Variants in CLYBL observed in about 807,000 individuals in gnomAD.
CLYBL encodes the protein citramalyl-CoA lyase, mitochondrial.
In CLYBL, 31 loss-of-function variants were observed where a neutral mutation model predicts 38.9. The observed-to-expected ratio is 0.80, with a 90% CI of 0.60 to 1.08. The LOEUF is 1.08. Ranked by LOEUF, CLYBL falls within the 50% of genes least tolerant of loss-of-function variation. The pLI, the probability that CLYBL is intolerant of heterozygous loss-of-function variation, is 0.00. For missense variants in CLYBL, 434 were observed against 411.6 expected (o/e 1.05, Z -0.47); for synonymous variants, 171 against 158.6 (o/e 1.08, Z -0.59).
intron 9 of CLYBL, among the ~76,000 whole-genome samples, chr13:99,906,884 A>G (rs2052703328): frequency 6.6e-6 from 1 of 152,192 alleles, no homozygotes; most frequent in South Asian, 2.1e-4. Context: ...GGCTTGGAAA[A>G]TACTTGGCTT....
At chr13:99,803,876 A>G (rs1272481614) in intron 2 of CLYBL, among the ~76,000 whole-genome samples, 1 of 152,196 alleles carries the variant, frequency 6.6e-6, no homozygotes, top group Middle Eastern at 3.2e-3. Flanking sequence ...CTGCAGTCCT[A>G]ACTGGAGAAC....
At chr13:99,678,237 A>G (rs1426286681) in intron 1 of CLYBL, among the ~76,000 whole-genome samples, 1 of 152,228 alleles carries the variant, frequency 6.6e-6, no homozygotes, top group Non-Finnish European at 1.5e-5. Context: ...TAACATCTGC[A>G]CTGCGGCAGA....
intron 1 of CLYBL, among the ~76,000 whole-genome samples, chr13:99,771,833 A>G (rs202105523): frequency 6.6e-6 from 1 of 152,224 alleles, no homozygotes; most frequent in East Asian, 1.9e-4. Context: ...TCAAGTAGCT[A>G]AAATATCTGC....
chr13:99,870,571 A>C (rs923502064), intron 6 of CLYBL, among the ~76,000 whole-genome samples: 17 of 152,154 alleles, frequency 1.1e-4, no homozygotes, highest in African/African-American at 4.1e-4. Context: ...TTCTACTTCA[A>C]CTCAAAATAA....
intron 1 of CLYBL, among the ~76,000 whole-genome samples, chr13:99,677,350 G>T (rs1430325053): frequency 6.6e-6 from 1 of 152,066 alleles, no homozygotes; most frequent in Non-Finnish European, 1.5e-5. Flanking sequence ...AAAAAAGCTT[G>T]TAATTGCCGA....
At chr13:99,857,550 C>T (rs908946871) in intron 2 of CLYBL, among the ~76,000 whole-genome samples, 1 of 152,184 alleles carries the variant, frequency 6.6e-6, no homozygotes, top group African/African-American at 2.4e-5. Flanking sequence ...CAGTCCTAAA[C>T]TGTCTTAGGT....
At chr13:99,882,664 C>CAAA (rs111979983) in intron 7 of CLYBL, among the ~76,000 whole-genome samples, 48 of 139,154 alleles carry the variant, frequency 3.4e-4, no homozygotes, top group African/African-American at 1.3e-3. Context: ...GACCCTGTCT[C>CAAA]AAAAAAAAAA....
chr13:99,704,205 C>T (rs1282459636), intron 1 of CLYBL, among the ~76,000 whole-genome samples: 2 of 152,168 alleles, frequency 1.3e-5, no homozygotes, highest in Non-Finnish European at 2.9e-5. Context: ...CTTCAGATAT[C>T]TTTTTCCTTT....
chr13:99,702,861 C>A (rs2048089746), intron 1 of CLYBL, among the ~76,000 whole-genome samples: 1 of 152,176 alleles, frequency 6.6e-6, no homozygotes, highest in Non-Finnish European at 1.5e-5. Context: ...GCACGTTGCT[C>A]TGCTACATAA....
intron 1 of CLYBL, among the ~76,000 whole-genome samples, chr13:99,666,997 C>A (rs548456486): frequency 6.6e-6 from 1 of 151,348 alleles, no homozygotes; most frequent in East Asian, 2.0e-4. Flanking sequence ...TGTCTTGTGC[C>A]CACCTGAGTG....
intron 1 of CLYBL, among the ~76,000 whole-genome samples, chr13:99,674,303 C>T (rs2047612130): frequency 6.6e-6 from 1 of 151,802 alleles, no homozygotes; most frequent in Non-Finnish European, 1.5e-5. Context: ...AGGCACGTGC[C>T]ACCATGCCTG....
At chr13:99,783,051 CT>C (rs995344000) in intron 2 of CLYBL, among the ~76,000 whole-genome samples, 6 of 150,624 alleles carry the variant, frequency 4.0e-5, no homozygotes, top group African/African-American at 9.7e-5. Flanking sequence ...TTTTGTTTTG[CT>C]TTTTTTTTGA....
chr13:99,908,005 C>T lies in CLYBL; in HGVS notation c.*161-50C>T, dbSNP rs572668963. Among the ~76,000 whole-genome samples, 8 of 152,266 alleles carry T rather than the reference C, an allele frequency of 5.3e-5. No individual in the cohort carries two copies. The East Asian group carries it at 1.5e-3, about 29-fold the overall frequency. ...AGGCTGTGCTGAGTGGTGAACAGCACTCGGATTGGCAAAAAAGTAACCTGA... is the reference window on the plus strand; with the variant it reads ...AGGCTGTGCTGAGTGGTGAACAGCATTCGGATTGGCAAAAAAGTAACCTGA... On this transcript the variant is annotated intron_variant and NMD_transcript_variant, in intron 9 of 9. Transcript: ENST00000689673.
chr13:99,876,420 C>CAAAA (rs35512772), intron 7 of CLYBL, among the ~76,000 whole-genome samples: 19 of 70,046 alleles, frequency 2.7e-4, no homozygotes, highest in Admixed American at 1.0e-3. Context: ...GACTCCGTCT[C>CAAAA]AAAAAAAAAA....
In CLYBL at chr13:99,606,730, G is replaced by A. The variant is rs2046527837; in HGVS notation, c.35G>A (p.Gly12Glu). 1.3e-6 allele frequency: 2 copies of A among 1,488,858 alleles called. No homozygotes were observed. The highest frequency in any genetic ancestry group is 8.9e-7 in the Non-Finnish European group (1 of 1,125,624). 92.2% of individuals were successfully genotyped at this position (1,488,858 alleles called of 1,614,324 possible). A position where few individuals can be genotyped will look rare whatever the true frequency, so the allele number is the denominator to read the frequency against. The change falls in exon 1 of 9, where the codon GGA becomes GAA. Residue 12 changes from glycine to glutamate, a missense_variant. Transcript: ENST00000339105. ...CGTCTGCTGCGGAGGGCGGCGCGCGGAGCTGCGGCGGCGGCGCTGCTGAGG... is the reference window on the plus strand; with the variant it reads ...CGTCTGCTGCGGAGGGCGGCGCGCGAAGCTGCGGCGGCGGCGCTGCTGAGG... Reference protein sequence around the residue: ...ALRLLRRAARGAAAAALLRLK... With the variant: ...ALRLLRRAAREAAAAALLRLK...
intron 1 of CLYBL, among the ~76,000 whole-genome samples, chr13:99,771,464 G>T (rs1391600309): frequency 6.6e-6 from 1 of 152,144 alleles, no homozygotes; most frequent in African/African-American, 2.4e-5. Flanking sequence ...ATATTCTTCT[G>T]TTGCCATTGT....
chr13:99,780,403 T>G (rs949847494), intron 2 of CLYBL, among the ~76,000 whole-genome samples: 1 of 152,164 alleles, frequency 6.6e-6, no homozygotes, highest in African/African-American at 2.4e-5. Context: ...TTTTTTGAGA[T>G]GGAGTCTCGC....
intron 1 of CLYBL, among the ~76,000 whole-genome samples, chr13:99,664,092 C>G (rs1247970933): frequency 6.6e-6 from 1 of 152,212 alleles, no homozygotes; most frequent in Non-Finnish European, 1.5e-5. Flanking sequence ...TAGTCTGTGA[C>G]TTAAATGGAT....
At chr13:99,728,675 A>G (rs1016576400) in intron 1 of CLYBL, among the ~76,000 whole-genome samples, 1 of 151,962 alleles carries the variant, frequency 6.6e-6, no homozygotes, top group Admixed American at 6.6e-5. Context: ...TCCAGGGCTC[A>G]AGCAGTCCTC....
Sources: gnomAD v4.1 joint callset for allele counts (sites outside exome capture counted in the v4.1 genomes callset) on GRCh38, gnomAD v4.1.1 for gene constraint, MANE v1.5 for transcripts, NCBI Gene and HGNC (gene_info 2026-07-23, HGNC 2026-07-21) for gene names.